Variants in MGRN1 observed in about 807,000 individuals in gnomAD.
The protein encoded by MGRN1 is E3 ubiquitin-protein ligase MGRN1.
MGRN1 carries 29 observed loss-of-function variants against 69.2 expected under a neutral mutation model. The ratio of observed to expected loss-of-function variants is 0.42; its 90% confidence interval spans 0.31 to 0.57. The LOEUF is 0.57. Among genes scored for constraint, MGRN1 ranks in the 20% least tolerant of loss-of-function variants. The pLI is 0.15. For missense variants in MGRN1, 998 were observed against 796.2 expected, an observed-to-expected ratio of 1.25 and a Z score of -3.05; for synonymous variants, 470 against 344.2, an observed-to-expected ratio of 1.37 and a Z score of -4.04.
intron 5 of MGRN1, chr16:4,658,774 G>A (rs2078610816): frequency 6.6e-6 from 1 of 152,258 alleles, no homozygotes; most frequent in African/African-American, 2.4e-5. Context: ...GGAGGCTGAG[G>A]TGGAAGGATC....
At chr16:4,642,222 T>C (rs2078175451) in intron 1 of MGRN1, among the ~76,000 whole-genome samples, 1 of 151,638 alleles carries the variant, frequency 6.6e-6, no homozygotes, top group African/African-American at 2.4e-5. Context: ...CCTCTGCCTC[T>C]TGGGTTCGAG....
At chr16:4,653,538 G>C (rs888395269) in intron 4 of MGRN1, among the ~76,000 whole-genome samples, 4 of 152,238 alleles carry the variant, frequency 2.6e-5, no homozygotes, top group African/African-American at 9.6e-5. Flanking sequence ...GCCCAGGCTG[G>C]CGTGCAGTGG....
chr16:4,645,900 GC>G (rs1408088020), intron 1 of MGRN1, among the ~76,000 whole-genome samples: 1 of 152,226 alleles, frequency 6.6e-6, no homozygotes, highest in Non-Finnish European at 1.5e-5. Flanking sequence ...CAGTCACAGG[GC>G]AGATGGTGCC....
rs535211436 is a variant in MGRN1, at chr16:4,631,588, C to T, written c.88+6540C>T. Reference sequence around the variant, plus strand: ...ATCCATAGTGCTTAGACTGAGAAATCCTGGTCTGTTCTTAGACCAGCAGCA... The same window carrying T: ...ATCCATAGTGCTTAGACTGAGAAATTCTGGTCTGTTCTTAGACCAGCAGCA... On this transcript the variant is annotated intron_variant, in intron 1 of 16. Coordinates refer to ENST00000262370, the MANE Select transcript of MGRN1 (RefSeq NM_015246.4). 2.4e-4 allele frequency among the ~76,000 whole-genome samples: 37 copies of T among 152,306 alleles called. 1 individual carries two copies. In the South Asian group the frequency reaches 7.2e-3, roughly 30 times the overall value.
At chr16:4,646,722 C>T (rs909396685) in intron 1 of MGRN1, among the ~76,000 whole-genome samples, 1 of 152,226 alleles carries the variant, frequency 6.6e-6, no homozygotes, top group African/African-American at 2.4e-5. Context: ...AGAGACATGT[C>T]GGCCGGGAGG....
intron 4 of MGRN1, among the ~76,000 whole-genome samples, chr16:4,655,508 C>T (rs998673877): frequency 6.6e-6 from 1 of 150,914 alleles, no homozygotes; most frequent in South Asian, 2.1e-4. Context: ...CTGTCAGGAC[C>T]TGGTACGAGG....
intron 8 of MGRN1, among the ~76,000 whole-genome samples, chr16:4,668,910 A>G (rs192044623): frequency 7.2e-5 from 11 of 152,218 alleles, no homozygotes; most frequent in Admixed American, 2.6e-4. Flanking sequence ...ACTCGCACAC[A>G]TATACAGACA....
At chr16:4,687,221 C>G in intron 16 of MGRN1, 1 of 985,144 alleles carries the variant, frequency 1.0e-6, no homozygotes, top group South Asian at 4.7e-5. Flanking sequence ...CCCCAAGAGG[C>G]GCCCTCTACC....
chr16:4,684,196 G>A (rs552807311), intron 16 of MGRN1, among the ~76,000 whole-genome samples: 4 of 152,384 alleles, frequency 2.6e-5, no homozygotes, highest in Admixed American at 2.6e-4. Flanking sequence ...GGCCACATTG[G>A]CCACAGGAGG....
intron 14 of MGRN1, 129 bp downstream of exon 14, chr16:4,683,075 G>T: frequency 6.7e-7 from 1 of 1,490,576 alleles, no homozygotes; most frequent in Non-Finnish European, 9.1e-7. Flanking sequence ...TTGCTGAGCT[G>T]CGCGGCTCCT....
intron 15 of MGRN1, 32 bp downstream of exon 15, chr16:4,683,301 A>C: frequency 1.2e-6 from 2 of 1,612,506 alleles, no homozygotes; most frequent in South Asian, 2.2e-5. Context: ...CACAAACCGC[A>C]TGCAGGGACC....
At chr16:4,680,228 G>GTCCCGGCC (rs1345828067) in intron 12 of MGRN1, 131 bp downstream of exon 12, 1 of 883,526 alleles carries the variant, frequency 1.1e-6, no homozygotes, top group Non-Finnish European at 1.7e-6. Context: ...CACTTGCCCA[G>GTCCCGGCC]TCCCGGCCTC....
chr16:4,652,212 G>C (rs1213403250), intron 3 of MGRN1, among the ~76,000 whole-genome samples, 161 bp downstream of exon 3: 1 of 152,134 alleles, frequency 6.6e-6, no homozygotes, highest in African/African-American at 2.4e-5. Context: ...GCGAGGGAAA[G>C]GGCATGTGGA....
chr16:4,677,054 G>A, intron 10 of MGRN1: 1 of 162,164 alleles, frequency 6.2e-6, no homozygotes, highest in Non-Finnish European at 1.3e-5. Context: ...CTCGGGTGCA[G>A]CCTGGAGCTT....
At chr16:4,686,050 G>A (rs1429448938) in intron 16 of MGRN1, among the ~76,000 whole-genome samples, 1 of 152,200 alleles carries the variant, frequency 6.6e-6, no homozygotes, top group East Asian at 1.9e-4. Flanking sequence ...GGAGGGAGGG[G>A]CAGGGCCAGT....
chr16:4,653,687 G>A (rs970995986), intron 4 of MGRN1, among the ~76,000 whole-genome samples: 13 of 151,370 alleles, frequency 8.6e-5, no homozygotes, highest in African/African-American at 2.7e-4. Flanking sequence ...TGGGGGTTTC[G>A]CCATGTTGGC....
chr16:4,677,885 G>A (rs186599009), intron 11 of MGRN1, among the ~76,000 whole-genome samples: 218 of 145,276 alleles, frequency 1.5e-3, no homozygotes, highest in African/African-American at 5.2e-3. Flanking sequence ...GTCTGTCACC[G>A]AGGCTGGTGT....
rs2078435370 is a variant in MGRN1 at position 4,652,678 on chromosome 16, G to A, written c.297G>A (p.Arg99=). ...NIRKDSLRLV[R]YKDDADSPTE... ...CCTTTCTCTCCACCGCCTGGGGTAG[G>A]TACAAAGACGATGCCGACAGCCCCA... Residue 99 remains arginine, a splice_region_variant and synonymous_variant, in exon 4 of 17, where the codon AGG becomes AGA. Transcript: ENST00000262370. 11 of 1,611,972 alleles carry A rather than the reference G, an allele frequency of 6.8e-6. No homozygotes were observed. The highest frequency in any genetic ancestry group is 4.4e-5 in the South Asian group (4 of 90,838).
intron 13 of MGRN1, among the ~76,000 whole-genome samples, chr16:4,682,065 G>A (rs1454553988): frequency 1.3e-5 from 2 of 152,340 alleles, no homozygotes; most frequent in South Asian, 2.1e-4. Context: ...TGCAGGGGTC[G>A]GTGCTGTGTC....
Sources: allele counts gnomAD v4.1 joint callset (sites outside exome capture counted in the v4.1 genomes callset), GRCh38; gene constraint gnomAD v4.1.1; transcripts MANE v1.5; gene names NCBI Gene and HGNC (gene_info 2026-07-23, HGNC 2026-07-21).